Variants in YAP1 observed in about 807,000 individuals in gnomAD.
YAP1 encodes the protein transcriptional coactivator YAP1.
In YAP1, 5 loss-of-function variants were observed where a neutral mutation model predicts 56.9. The observed-to-expected ratio is 0.09, with a 90% CI of 0.05 to 0.18. The LOEUF (loss-of-function observed/expected upper bound fraction) is 0.18. Ranked by LOEUF, YAP1 falls within the 10% of genes least tolerant of loss-of-function variation. The pLI is 1.00. For synonymous variants in YAP1, 265 were observed against 248.1 expected, an observed-to-expected ratio of 1.07 and a Z score of -0.64; for missense variants, 539 against 651.8, an observed-to-expected ratio of 0.83 and a Z score of 1.88.
At chr11:102,111,221 G>T (rs766020726) in intron 1 of YAP1, 52 bp downstream of exon 1, 101 of 1,601,432 alleles carry the variant, frequency 6.3e-5, no homozygotes, top group Non-Finnish European at 8.6e-5. Flanking sequence ...CCTCAGACCG[G>T]GGGGGCGCTC....
At chr11:102,164,422 A>G (rs544318568) in intron 3 of YAP1, among the ~76,000 whole-genome samples, 11 of 152,354 alleles carry the variant, frequency 7.2e-5, no homozygotes, top group African/African-American at 2.2e-4. Context: ...CAAATTTTCA[A>G]ATAAAGTTGT....
chr11:102,169,770 C>T (rs1252384702), intron 3 of YAP1, among the ~76,000 whole-genome samples: 1 of 151,870 alleles, frequency 6.6e-6, no homozygotes, highest in South Asian at 2.1e-4. Flanking sequence ...TATAGCCAAT[C>T]CTTAAGAAGC....
At chr11:102,171,595 A>G (rs1462146526) in intron 3 of YAP1, among the ~76,000 whole-genome samples, 1 of 152,216 alleles carries the variant, frequency 6.6e-6, no homozygotes, top group Non-Finnish European at 1.5e-5. Context: ...AACTAACTCT[A>G]AGCCATTTCA....
At chr11:102,179,202 A>G (rs923485341) in intron 3 of YAP1, among the ~76,000 whole-genome samples, 1 of 151,994 alleles carries the variant, frequency 6.6e-6, no homozygotes, top group African/African-American at 2.4e-5. Context: ...CCTTTTTGCT[A>G]TAGGGCCTAC....
intron 2 of YAP1, among the ~76,000 whole-genome samples, chr11:102,144,879 T>TGC (rs1945235682): frequency 2.8e-5 from 1 of 35,748 alleles, no homozygotes; most frequent in Non-Finnish European, 1.1e-4. Flanking sequence ...CACACACACA[T>TGC]ACACACACTC....
At chr11:102,196,811 C>G (rs1948598158) in intron 4 of YAP1, among the ~76,000 whole-genome samples, 1 of 151,922 alleles carries the variant, frequency 6.6e-6, no homozygotes, top group African/African-American at 2.4e-5. Flanking sequence ...TTGAGAAATA[C>G]CTTTTGTATA....
At chr11:102,224,038 T>G (rs890699716) in intron 7 of YAP1, among the ~76,000 whole-genome samples, 1 of 152,202 alleles carries the variant, frequency 6.6e-6, no homozygotes, top group Non-Finnish European at 1.5e-5. Context: ...AATTACAGAA[T>G]CATGAAGGAA....
chr11:102,151,294 T>C (rs1945643266), intron 2 of YAP1, among the ~76,000 whole-genome samples: 2 of 152,140 alleles, frequency 1.3e-5, no homozygotes. Context: ...GTACTTGGGT[T>C]CTCTCATTTA....
chr11:102,164,179 C>T (rs989521435), intron 3 of YAP1, among the ~76,000 whole-genome samples: 4 of 151,892 alleles, frequency 2.6e-5, no homozygotes, highest in African/African-American at 9.7e-5. Context: ...GTACTACAGG[C>T]GCCTGCCTCC....
chr11:102,175,446 T>A (rs1360684869), intron 3 of YAP1, among the ~76,000 whole-genome samples: 1 of 152,170 alleles, frequency 6.6e-6, no homozygotes, highest in Non-Finnish European at 1.5e-5. Flanking sequence ...ATAGACTGCC[T>A]TTTCTTCAGT....
chr11:102,136,519 T>A (rs988957540), intron 2 of YAP1, among the ~76,000 whole-genome samples: 6 of 151,986 alleles, frequency 3.9e-5, no homozygotes, highest in Non-Finnish European at 5.9e-5. Flanking sequence ...AATTTTGTTT[T>A]TGTTTGTTTT....
At chr11:102,144,223 A>G (rs548780015) in intron 2 of YAP1, among the ~76,000 whole-genome samples, 19 of 152,366 alleles carry the variant, frequency 1.2e-4, no homozygotes, top group Non-Finnish European at 1.6e-4. Flanking sequence ...TTATGCCTAT[A>G]TACATAGAGA....
At chr11:102,122,995 T>C (rs1398067983) in intron 2 of YAP1, among the ~76,000 whole-genome samples, 1 of 150,910 alleles carries the variant, frequency 6.6e-6, no homozygotes, top group African/African-American at 2.4e-5. Flanking sequence ...CACTTTCCAC[T>C]CCTTCTAGGT....
chr11:102,176,797 G>GA (rs1255853512), intron 3 of YAP1, among the ~76,000 whole-genome samples: 1 of 121,176 alleles, frequency 8.3e-6, no homozygotes, highest in African/African-American at 3.0e-5. Flanking sequence ...TCAGTGGGTT[G>GA]AAAACAATGG....
At chr11:102,128,154 G>A (rs1415053089) in intron 2 of YAP1, among the ~76,000 whole-genome samples, 3 of 152,162 alleles carry the variant, frequency 2.0e-5, no homozygotes, top group Non-Finnish European at 2.9e-5. Flanking sequence ...CTGTTGGGAA[G>A]GCATGATTGG....
At chr11:102,162,390 A>C in intron 2 of YAP1, 66 bp from the exon 3 acceptor site, 1 of 1,407,100 alleles carries the variant, frequency 7.1e-7, no homozygotes, top group Non-Finnish European at 1.0e-6. Context: ...TTATGAGCCC[A>C]CAAGATAAGA....
intron 6 of YAP1, among the ~76,000 whole-genome samples, chr11:102,220,616 A>G (rs1392536920): frequency 6.6e-6 from 1 of 152,184 alleles, no homozygotes; most frequent in Admixed American, 6.5e-5. Flanking sequence ...ATAAGATACC[A>G]AAAGACAGCC....
intron 5 of YAP1, among the ~76,000 whole-genome samples, chr11:102,207,631 CTT>C (rs1478310074): frequency 6.6e-6 from 1 of 151,922 alleles, no homozygotes; most frequent in African/African-American, 2.4e-5. Context: ...AAAAGTATCT[CTT>C]GAGTGTCAGT....
rs1329713350 is a variant in YAP1, at chr11:102,232,695, A to G, written c.*2755A>G. On this transcript the variant is annotated 3_prime_UTR_variant, in exon 9 of 9. Transcript: ENST00000282441. ...CATTGGGATAAGATTTTAACTGGGT[A>G]TTCTTGAATTGCTTTTACAATAAAC... The G allele has an allele frequency of 6.6e-6, 1 of 152,588 alleles. No individual in the cohort carries two copies. Among genetic ancestry groups the G allele is most frequent in the Non-Finnish European group, 1.5e-5 (1 of 68,032 alleles). The allele number at this position is 152,588 out of a possible 1,614,324, so 9.5% of individuals were successfully genotyped here.
Sources: gnomAD v4.1 joint callset for allele counts (sites outside exome capture counted in the v4.1 genomes callset) on GRCh38, gnomAD v4.1.1 for gene constraint, MANE v1.5 for transcripts, NCBI Gene and HGNC (gene_info 2026-07-23, HGNC 2026-07-21) for gene names.